The following NEDD4L variants were observed in gnomAD, a reference collection of about 807,000 sequenced individuals.
The protein encoded by NEDD4L is NEDD4 like E3 ubiquitin protein ligase.
NEDD4L carries 54 observed loss-of-function variants against 148.9 expected under a neutral mutation model. The ratio of observed to expected loss-of-function variants is 0.36; its 90% CI spans 0.29 to 0.45. The LOEUF (loss-of-function observed/expected upper bound fraction) is 0.45, where lower values mean the gene tolerates loss of function less well. NEDD4L is among the 20% of genes least tolerant of loss of function. NEDD4L has a pLI of 1.00. For synonymous variants in NEDD4L, 433 were observed against 440.7 expected (o/e 0.98, Z 0.22); for missense variants, 856 against 1,233.8 (o/e 0.69, Z 4.59).
At chr18:58,139,000 G>A (rs893699059) in intron 1 of NEDD4L, among the ~76,000 whole-genome samples, 2 of 152,250 alleles carry the variant, frequency 1.3e-5, no homozygotes, top group Admixed American at 6.5e-5. Flanking sequence ...CAGCCACCCT[G>A]GATGAATCAT....
chr18:58,132,227 AT>A (rs1277687568), intron 1 of NEDD4L, among the ~76,000 whole-genome samples: 1 of 145,410 alleles, frequency 6.9e-6, no homozygotes, highest in African/African-American at 2.4e-5. Flanking sequence ...AGTTGTTGTT[AT>A]TGTTGTTTTG....
intron 1 of NEDD4L, among the ~76,000 whole-genome samples, chr18:58,128,250 T>C (rs1281846666): frequency 1.3e-5 from 2 of 152,162 alleles, no homozygotes; most frequent in African/African-American, 4.8e-5. Context: ...TTTCACCACA[T>C]TGGCCAGGCT....
intron 1 of NEDD4L, among the ~76,000 whole-genome samples, chr18:58,086,795 C>T (rs1211552770): frequency 6.6e-6 from 1 of 152,176 alleles, no homozygotes; most frequent in African/African-American, 2.4e-5. Context: ...AACAAATTGC[C>T]TCCAAATTTA....
chr18:58,368,600 A>C (rs1436439735), intron 22 of NEDD4L, among the ~76,000 whole-genome samples: 3 of 152,254 alleles, frequency 2.0e-5, no homozygotes, highest in Admixed American at 1.3e-4. Flanking sequence ...ACATTGCAGT[A>C]ACTTATAAGA....
intron 5 of NEDD4L, among the ~76,000 whole-genome samples, chr18:58,289,815 C>T (rs1429915752): frequency 1.3e-5 from 2 of 152,332 alleles, no homozygotes; most frequent in East Asian, 3.9e-4. Flanking sequence ...TCTATATGCA[C>T]AAATTGTAAA....
intron 13 of NEDD4L, chr18:58,335,748 T>TGGTCCC: frequency 2.1e-6 from 1 of 476,658 alleles, no homozygotes; most frequent in Non-Finnish European, 3.8e-6. Flanking sequence ...CACATAATTT[T>TGGTCCC]ATTAGGAATA....
intron 1 of NEDD4L, among the ~76,000 whole-genome samples, chr18:58,155,784 A>G (rs981272993): frequency 1.3e-5 from 2 of 152,210 alleles, no homozygotes; most frequent in African/African-American, 4.8e-5. Context: ...GGATGACAGA[A>G]GGGAAGTGAG....
At chr18:58,208,361 T>A (rs1015831989) in intron 2 of NEDD4L, among the ~76,000 whole-genome samples, 4 of 152,226 alleles carry the variant, frequency 2.6e-5, no homozygotes, top group Admixed American at 2.0e-4. Context: ...CATCTAAAAT[T>A]TGTTCCCATA....
At chr18:58,076,398 G>A (rs2083161155) in intron 1 of NEDD4L, among the ~76,000 whole-genome samples, 1 of 152,138 alleles carries the variant, frequency 6.6e-6, no homozygotes, top group Non-Finnish European at 1.5e-5. Context: ...TTTAGTAGCT[G>A]ATGAAAGATT....
At position 58,256,290 on chromosome 18, in the gene NEDD4L, C is replaced by T. The variant is rs1028270267; in HGVS notation, c.297+4236C>T. 1.4e-5 allele frequency: 17 copies of T among 1,231,458 alleles called. No homozygotes were observed. Among genetic ancestry groups the T allele is most frequent in the Non-Finnish European group, 1.7e-5 (17 of 987,764 alleles). The allele number at this position is 1,231,458 out of a possible 1,614,324, so 76.3% of individuals were successfully genotyped here. ...CTGGGCCCCGATGGCCAGGGCGGCCCGGCCGCGGCAGAGCCCAGGCGCTGG... is the reference window on the plus strand; with the variant it reads ...CTGGGCCCCGATGGCCAGGGCGGCCTGGCCGCGGCAGAGCCCAGGCGCTGG... On this transcript the variant is annotated intron_variant, in intron 5 of 30. Transcript: ENST00000400345. This position sits in a 1 kb window ranked among gnomAD's most constrained non-coding sequence, Gnocchi z 5.2.
At chr18:58,143,658 G>T (rs929952558) in intron 1 of NEDD4L, among the ~76,000 whole-genome samples, 1 of 152,150 alleles carries the variant, frequency 6.6e-6, no homozygotes, top group Non-Finnish European at 1.5e-5. Context: ...CGTGTTCTTC[G>T]TCCATGTCCC....
intron 5 of NEDD4L, among the ~76,000 whole-genome samples, chr18:58,268,474 A>C (rs1464408359): frequency 6.6e-6 from 1 of 152,062 alleles, no homozygotes; most frequent in African/African-American, 2.4e-5. Context: ...CTGAACAGCC[A>C]TTCACAGTGT....
chr18:58,327,954 C>CT (rs900381621), intron 9 of NEDD4L, among the ~76,000 whole-genome samples: 115 of 144,094 alleles, frequency 8.0e-4, no homozygotes, highest in African/African-American at 9.6e-4. Context: ...TTTCTTTTTT[C>CT]TTTTTTTTTT....
Position 58,268,494 on chromosome 18 carries a change from G to A in NEDD4L, c.297+16440G>A, listed in dbSNP as rs756229096. ...CAGCCATTCACAGTGTATCAAAGAG[G>A]TATATTTTGGGGTGAAATATTTTTA... On this transcript the variant is annotated intron_variant, in intron 5 of 30. Transcript: ENST00000400345. Among the ~76,000 whole-genome samples the A allele has an allele frequency of 2.0e-5, 3 of 151,988 alleles. 1 individual carries two copies. Among genetic ancestry groups the A allele is most frequent in the Non-Finnish European group, 4.4e-5 (3 of 67,968 alleles).
chr18:58,097,868 C>CA (rs1320014900), intron 1 of NEDD4L, among the ~76,000 whole-genome samples: 5 of 151,912 alleles, frequency 3.3e-5, no homozygotes, highest in Non-Finnish European at 7.4e-5. Context: ...CCCATCTCTA[C>CA]AAAAAATAAA....
intron 5 of NEDD4L, among the ~76,000 whole-genome samples, chr18:58,279,102 C>T (rs558281989): frequency 6.6e-6 from 1 of 152,158 alleles, no homozygotes; most frequent in East Asian, 1.9e-4. Flanking sequence ...GTCTCAAACG[C>T]CTGGCCTCAA....
chr18:58,208,044 A>G (rs1303425588), intron 2 of NEDD4L, among the ~76,000 whole-genome samples: 1 of 151,894 alleles, frequency 6.6e-6, no homozygotes, highest in African/African-American at 2.4e-5. Flanking sequence ...CTCTGTCTCA[A>G]CAACAACAAC....
intron 14 of NEDD4L, among the ~76,000 whole-genome samples, chr18:58,341,413 T>C (rs2042402750): frequency 1.3e-5 from 2 of 152,238 alleles, no homozygotes; most frequent in Non-Finnish European, 2.9e-5. Flanking sequence ...AGTAAGAGCC[T>C]ATTGCAGTGT....
chr18:58,277,907 T>C (rs2052384756), intron 5 of NEDD4L, among the ~76,000 whole-genome samples: 1 of 152,182 alleles, frequency 6.6e-6, no homozygotes, highest in South Asian at 2.1e-4. Flanking sequence ...TGGTCAGAAA[T>C]TGCTTATCAG....
Sources: gnomAD v4.1 joint callset for allele counts (sites outside exome capture counted in the v4.1 genomes callset) on GRCh38, gnomAD v4.1.1 for gene constraint, Gnocchi (gnomAD v3.1) non-coding constraint, MANE v1.5 for transcripts, NCBI Gene and HGNC (gene_info 2026-07-23, HGNC 2026-07-21) for gene names.